CFAP299: variants seen among roughly 807,000 people sequenced by gnomAD.
The protein encoded by CFAP299 is cilia- and flagella-associated protein 299.
A neutral mutation model predicts 27.0 loss-of-function variants in CFAP299; 21 were observed. The observed-to-expected ratio is 0.78, with a 90% confidence interval of 0.55 to 1.12. CFAP299 has a LOEUF of 1.12. Ranked by LOEUF, CFAP299 falls within the 50% of genes most tolerant of loss-of-function variation. The pLI is 0.00. For missense variants in CFAP299, 310 were observed against 276.6 expected, an observed-to-expected ratio of 1.12 and a Z score of -0.86; for synonymous variants, 104 against 98.1, an observed-to-expected ratio of 1.06 and a Z score of -0.36.
intron 3 of CFAP299, among the ~76,000 whole-genome samples, chr4:80,717,681 ATG>A (rs2110042534): frequency 2.0e-5 from 3 of 152,256 alleles, no homozygotes; most frequent in Non-Finnish European, 4.4e-5. Context: ...AATACCTGCT[ATG>A]TGTCAAGAAT....
In CFAP299 at chr4:80,749,809, G is replaced by A. The variant is rs573245736; in HGVS notation, c.334-120184G>A. Among the ~76,000 whole-genome samples the A allele has an allele frequency of 8.5e-5, 13 of 152,334 alleles. No individual in the cohort carries two copies. The East Asian group carries it at 2.5e-3, about 29-fold the overall frequency. On this transcript the variant is annotated intron_variant, in intron 3 of 5. Coordinates refer to ENST00000358105, the MANE Select transcript of CFAP299 (RefSeq NM_152770.3). ...CAGCTGATTAGATAGTGCCTACGCA[G>A]ATTGAGAGTGAGTCTGCCTCTCCCA...
intron 4 of CFAP299, among the ~76,000 whole-genome samples, chr4:80,876,477 A>T (rs1733385582): frequency 6.6e-6 from 1 of 152,146 alleles, no homozygotes; most frequent in Non-Finnish European, 1.5e-5. Flanking sequence ...AAGTTTCCTG[A>T]GGCCTCCCCA....
At chr4:80,869,216 G>A (rs1037159996) in intron 3 of CFAP299, among the ~76,000 whole-genome samples, 2 of 152,032 alleles carry the variant, frequency 1.3e-5, no homozygotes. Context: ...GGAGTTATGT[G>A]GGCAAAATGA....
At position 80,828,685 on chromosome 4, in the gene CFAP299, C is replaced by G. The variant is rs1730128147; in HGVS notation, c.334-41308C>G. 4.6e-5 allele frequency among the ~76,000 whole-genome samples: 7 copies of G among 152,108 alleles called. No homozygotes were observed. In the South Asian group the frequency reaches 1.5e-3, roughly 32 times the overall value. On this transcript the variant is annotated intron_variant, in intron 3 of 5. Coordinates refer to ENST00000358105, the MANE Select transcript of CFAP299 (RefSeq NM_152770.3). The stretch of plus-strand genomic sequence containing the variant: ...AACCATGATTGTAAGCTTCCTGAAG[C>G]CTCCCTAGAAATTGAGCAGATGGCA...
chr4:80,551,175 TC>T (rs1310201942), intron 2 of CFAP299, among the ~76,000 whole-genome samples: 4 of 152,300 alleles, frequency 2.6e-5, no homozygotes, highest in African/African-American at 9.6e-5. Flanking sequence ...GTTTCAAATA[TC>T]ATATAGTAAG....
chr4:80,954,099 A>G (rs1328199602), intron 5 of CFAP299, among the ~76,000 whole-genome samples: 1 of 152,212 alleles, frequency 6.6e-6, no homozygotes, highest in African/African-American at 2.4e-5. Context: ...TTTCCTGGCA[A>G]GATGGAATGA....
Position 80,571,044 on chromosome 4 carries a change from T to G in CFAP299, c.243-12049T>G, listed in dbSNP as rs183476587. 2.1e-3 allele frequency among the ~76,000 whole-genome samples: 312 copies of G among 152,126 alleles called. 2 individuals are homozygous for G. The highest frequency in any genetic ancestry group is 3.8e-3 in the Non-Finnish European group (259 of 67,962). The stretch of plus-strand genomic sequence containing the variant: ...CGTTTAGGGGTACATACTTAAGTGA[T>G]GTAAAGAGGTGAGGTGATGATTCTA... On this transcript the variant is annotated intron_variant, in intron 2 of 5. Coordinates refer to ENST00000358105, the MANE Select transcript of CFAP299 (RefSeq NM_152770.3).
intron 3 of CFAP299, among the ~76,000 whole-genome samples, chr4:80,859,349 C>A (rs1381925027): frequency 1.3e-5 from 2 of 152,142 alleles, no homozygotes; most frequent in African/African-American, 4.8e-5. Context: ...ACTGATGGGT[C>A]TTGACTCTTT....
chr4:80,710,511 A>G (rs1446824454), intron 3 of CFAP299, among the ~76,000 whole-genome samples: 3 of 127,326 alleles, frequency 2.4e-5, no homozygotes, highest in Non-Finnish European at 5.1e-5. Context: ...AAAAAAAAAA[A>G]GGTAAGTTGG....
At chr4:80,661,919 G>A (rs538618272) in intron 3 of CFAP299, among the ~76,000 whole-genome samples, 3 of 152,230 alleles carry the variant, frequency 2.0e-5, no homozygotes, top group East Asian at 3.9e-4. Context: ...TTACAGTTGT[G>A]GATAAGGGAT....
chr4:80,370,074 G>T (rs1724057440), intron 2 of CFAP299, among the ~76,000 whole-genome samples: 2 of 152,114 alleles, frequency 1.3e-5, no homozygotes, highest in Admixed American at 1.3e-4. Flanking sequence ...TCAGCTTCTG[G>T]GGAGTCCTCA....
chr4:80,788,257 T>A (rs1441371345), intron 3 of CFAP299, among the ~76,000 whole-genome samples: 2 of 152,030 alleles, frequency 1.3e-5, no homozygotes, highest in Middle Eastern at 3.2e-3. Flanking sequence ...GTACTTTTAG[T>A]CCCTGAGCAC....
chr4:80,498,682 T>C (rs1338754278), intron 2 of CFAP299, among the ~76,000 whole-genome samples: 1 of 152,160 alleles, frequency 6.6e-6, no homozygotes, highest in Non-Finnish European at 1.5e-5. Context: ...GAAAGCAGTT[T>C]GGAGATTCCT....
chr4:80,820,740 C>T (rs7663934), intron 3 of CFAP299, among the ~76,000 whole-genome samples: 3,002 of 152,194 alleles, frequency 0.02, 59 homozygotes, highest in African/African-American at 0.056. Flanking sequence ...TCTTTGCGTC[C>T]GCATTTCCTC....
chr4:80,870,847 T>C, intron 4 of CFAP299: 1 of 985,180 alleles, frequency 1.0e-6, no homozygotes, highest in Non-Finnish European at 1.2e-6. Flanking sequence ...CTGAGATGCC[T>C]GTTATCCTCT....
intron 3 of CFAP299, among the ~76,000 whole-genome samples, chr4:80,775,176 C>T (rs958823514): frequency 6.6e-6 from 1 of 151,524 alleles, no homozygotes; most frequent in Admixed American, 6.6e-5. Flanking sequence ...ATATATAAAT[C>T]CCTATATAGG....
chr4:80,709,727 G>T (rs539826849), intron 3 of CFAP299, among the ~76,000 whole-genome samples: 1 of 152,274 alleles, frequency 6.6e-6, no homozygotes, highest in African/African-American at 2.4e-5. Context: ...TAGGAATTTT[G>T]ATTTCGCTGA....
intron 3 of CFAP299, among the ~76,000 whole-genome samples, chr4:80,648,179 C>A (rs2109966357): frequency 6.6e-6 from 1 of 152,274 alleles, no homozygotes; most frequent in East Asian, 1.9e-4. Flanking sequence ...GAATCATAAA[C>A]ATCTAGATGA....
intron 2 of CFAP299, among the ~76,000 whole-genome samples, chr4:80,485,406 A>G (rs983576408): frequency 2.0e-5 from 3 of 151,928 alleles, no homozygotes; most frequent in African/African-American, 7.2e-5. Context: ...GTGGTTGGGA[A>G]GGGGGTTGTT....
Sources: allele counts gnomAD v4.1 joint callset (sites outside exome capture counted in the v4.1 genomes callset), GRCh38; gene constraint gnomAD v4.1.1; transcripts MANE v1.5; gene names NCBI Gene and HGNC (gene_info 2026-07-23, HGNC 2026-07-21).